The following FIP1L1 variants were observed in gnomAD, a reference collection of about 807,000 sequenced individuals.
The protein encoded by FIP1L1 is pre-mRNA 3'-end-processing factor FIP1.
FIP1L1 carries 21 observed loss-of-function variants against 84.6 expected under a neutral mutation model. The ratio of observed to expected loss-of-function variants is 0.25; its 90% CI spans 0.18 to 0.36. The LOEUF (loss-of-function observed/expected upper bound fraction) is 0.36. Among genes scored for constraint, FIP1L1 ranks in the 10% least tolerant of loss-of-function variants. The pLI is 1.00. For missense variants in FIP1L1, 526 were observed against 751.1 expected, an observed-to-expected ratio of 0.70 and a Z score of 3.50; for synonymous variants, 263 against 242.3, an observed-to-expected ratio of 1.09 and a Z score of -0.80.
At chr4:53,391,265 A>G (rs1452354045) in intron 8 of FIP1L1, 126 bp downstream of exon 8, 3 of 1,260,056 alleles carry the variant, frequency 2.4e-6, no homozygotes, top group Non-Finnish European at 3.3e-6. Flanking sequence ...CATTTTGTTT[A>G]CCATGTTTGT....
intron 15 of FIP1L1, among the ~76,000 whole-genome samples, chr4:53,448,946 G>A (rs1358392915): frequency 6.6e-6 from 1 of 152,002 alleles, no homozygotes; most frequent in Non-Finnish European, 1.5e-5. Flanking sequence ...GTTTATATTT[G>A]CTTGTATTCA....
intron 5 of FIP1L1, among the ~76,000 whole-genome samples, chr4:53,389,395 T>G (rs1386518992): frequency 6.6e-6 from 1 of 152,218 alleles, no homozygotes; most frequent in Non-Finnish European, 1.5e-5. Context: ...CTTGTGAAGT[T>G]TGTTACAGTA....
At chr4:53,387,575 A>G (rs1230904194) in intron 5 of FIP1L1, among the ~76,000 whole-genome samples, 1 of 152,182 alleles carries the variant, frequency 6.6e-6, no homozygotes, top group Non-Finnish European at 1.5e-5. Context: ...CATACCACTA[A>G]GCTTCTCTAC....
chr4:53,378,319 C>T (rs1030998146), intron 1 of FIP1L1: 1 of 182,578 alleles, frequency 5.5e-6, no homozygotes, highest in Non-Finnish European at 1.1e-5. Context: ...CCCTTCCTGT[C>T]CCTTCTTTCA....
intron 11 of FIP1L1, among the ~76,000 whole-genome samples, chr4:53,415,983 A>G (rs1464560138): frequency 6.6e-6 from 1 of 152,198 alleles, no homozygotes; most frequent in Non-Finnish European, 1.5e-5. Flanking sequence ...TCTATGTATT[A>G]TATAATATTG....
At chr4:53,409,613 C>T (rs1016516246) in intron 10 of FIP1L1, among the ~76,000 whole-genome samples, 1 of 152,226 alleles carries the variant, frequency 6.6e-6, no homozygotes, top group Non-Finnish European at 1.5e-5. Context: ...CAGAGGCAGG[C>T]AGGCTTCCTT....
intron 15 of FIP1L1, among the ~76,000 whole-genome samples, chr4:53,452,627 A>G (rs1424150508): frequency 1.3e-5 from 2 of 152,154 alleles, no homozygotes; most frequent in Non-Finnish European, 2.9e-5. Flanking sequence ...CCTCCTCTCA[A>G]CACTTTGAAG....
At chr4:53,434,629 A>G (rs1768264855) in intron 13 of FIP1L1, among the ~76,000 whole-genome samples, 1 of 152,066 alleles carries the variant, frequency 6.6e-6, no homozygotes. Flanking sequence ...GTACTGCCAC[A>G]CCTGGCTAAT....
intron 12 of FIP1L1, among the ~76,000 whole-genome samples, chr4:53,427,175 T>G (rs1764671868): frequency 6.6e-6 from 1 of 152,292 alleles, no homozygotes; most frequent in East Asian, 1.9e-4. Flanking sequence ...ACACTGCACT[T>G]AAATGTAGGA....
intron 10 of FIP1L1, among the ~76,000 whole-genome samples, chr4:53,410,753 A>G (rs898419661): frequency 6.6e-6 from 1 of 152,236 alleles, no homozygotes; most frequent in Non-Finnish European, 1.5e-5. Flanking sequence ...CAAAAGTGCA[A>G]AAACCGCAAT....
intron 10 of FIP1L1, among the ~76,000 whole-genome samples, chr4:53,401,040 C>T (rs1167646161): frequency 6.6e-6 from 1 of 152,242 alleles, no homozygotes; most frequent in African/African-American, 2.4e-5. Context: ...GCTGTGCTGT[C>T]GTTGGGCAAA....
intron 10 of FIP1L1, among the ~76,000 whole-genome samples, chr4:53,403,195 T>G (rs1474500163): frequency 6.6e-6 from 1 of 152,068 alleles, no homozygotes; most frequent in Non-Finnish European, 1.5e-5. Context: ...GGAATTACAG[T>G]ATTTTTATAT....
chr4:53,384,442 T>C (rs1318139996), intron 5 of FIP1L1, among the ~76,000 whole-genome samples: 2 of 152,170 alleles, frequency 1.3e-5, no homozygotes, highest in Non-Finnish European at 2.9e-5. Context: ...CTATAAATTC[T>C]TTGATTAGAA....
At chr4:53,404,405 C>G (rs1752045070) in intron 10 of FIP1L1, among the ~76,000 whole-genome samples, 1 of 152,028 alleles carries the variant, frequency 6.6e-6, no homozygotes, top group Non-Finnish European at 1.5e-5. Context: ...TTAATCCAGT[C>G]TGTCATTGTT....
chr4:53,408,928 C>G (rs981665052), intron 10 of FIP1L1, among the ~76,000 whole-genome samples: 1 of 105,938 alleles, frequency 9.4e-6, no homozygotes, highest in African/African-American at 2.7e-5. Context: ...AACTTCTTTG[C>G]CTTTGGTTTG....
At chr4:53,429,785 ATACT>A (rs892796591) in intron 13 of FIP1L1, among the ~76,000 whole-genome samples, 1 of 152,190 alleles carries the variant, frequency 6.6e-6, no homozygotes, top group African/African-American at 2.4e-5. Flanking sequence ...ATCACCTCAC[ATACT>A]TAACATTTTT....
chr4:53,446,651 T>G (rs543348810), intron 15 of FIP1L1, among the ~76,000 whole-genome samples: 2 of 152,152 alleles, frequency 1.3e-5, no homozygotes, highest in South Asian at 4.1e-4. Flanking sequence ...ACATGACTTA[T>G]TAAAGTTTGA....
intron 15 of FIP1L1, among the ~76,000 whole-genome samples, chr4:53,449,552 A>G (rs1048499469): frequency 4.6e-5 from 7 of 152,154 alleles, no homozygotes; most frequent in African/African-American, 1.7e-4. Context: ...CTAAGTTTAT[A>G]TGTATAATAA....
chr4:53,420,624 T>G (rs945349402), intron 11 of FIP1L1, among the ~76,000 whole-genome samples: 6 of 152,132 alleles, frequency 3.9e-5, no homozygotes, highest in Non-Finnish European at 8.8e-5. Context: ...ATTAATAAAT[T>G]GTTACTCGAA....
Sources: allele counts gnomAD v4.1 joint callset (sites outside exome capture counted in the v4.1 genomes callset), GRCh38; gene constraint gnomAD v4.1.1; transcripts MANE v1.5; gene names NCBI Gene and HGNC (gene_info 2026-07-23, HGNC 2026-07-21).